Variants in SAMMSON observed in about 807,000 individuals in gnomAD.
The protein encoded by SAMMSON is survival associated mitochondrial melanoma specific oncogenic non-coding RNA, also known as long intergenic non-protein coding RNA 1212.
chr3:70,121,781 G>C (rs2067434567), intron 4 of SAMMSON, among the ~76,000 whole-genome samples: 2 of 152,148 alleles, frequency 1.3e-5, no homozygotes, highest in African/African-American at 4.8e-5. Flanking sequence ...GACAGGGCAG[G>C]GACAAAGACT....
chr3:70,285,752 A>C (rs1702155353), intron 6 of SAMMSON, among the ~76,000 whole-genome samples: 1 of 151,986 alleles, frequency 6.6e-6, no homozygotes, highest in African/African-American at 2.4e-5. Flanking sequence ...TTGCCATTCT[A>C]ACTGGTGTGA....
At chr3:70,245,671 TTATATATATATATATATATATATATA>T (rs34480688) in intron 4 of SAMMSON, among the ~76,000 whole-genome samples, 21 of 57,224 alleles carry the variant, frequency 3.7e-4, no homozygotes, top group Non-Finnish European at 4.8e-4. Flanking sequence ...GCAAACTGCT[TTATATATATATATATATATATATATA>T]TATATATATA....
intron 4 of SAMMSON, among the ~76,000 whole-genome samples, chr3:70,163,336 A>G (rs986837151): frequency 2.2e-5 from 3 of 133,856 alleles, no homozygotes; most frequent in Non-Finnish European, 4.7e-5. Context: ...CTATCCATCT[A>G]TATAGAATAT....
At chr3:70,425,538 A>G (rs765831320) in intron 2 of SAMMSON, among the ~76,000 whole-genome samples, 124 of 151,704 alleles carry the variant, frequency 8.2e-4, no homozygotes, top group Non-Finnish European at 1.3e-3. Flanking sequence ...CAGCCTCCCT[A>G]GTAGCTGGGA....
At chr3:70,070,332 T>C (rs934385715) in intron 3 of SAMMSON, 3 of 152,092 alleles carry the variant, frequency 2.0e-5, no homozygotes, top group Non-Finnish European at 4.4e-5. Context: ...AGTTTTTAGA[T>C]GCACTCTATT....
intron 3 of SAMMSON, among the ~76,000 whole-genome samples, chr3:70,027,181 G>A (rs1418445398): frequency 6.6e-6 from 1 of 152,114 alleles, no homozygotes; most frequent in Non-Finnish European, 1.5e-5. Flanking sequence ...AAATATTTGT[G>A]TCCTATTTAG....
At chr3:70,011,008 G>C (rs1324324620) in intron 1 of SAMMSON, among the ~76,000 whole-genome samples, 1 of 152,008 alleles carries the variant, frequency 6.6e-6, no homozygotes, top group Admixed American at 6.6e-5. Flanking sequence ...TGACTCATGG[G>C]GATTGTAGGG....
intron 2 of SAMMSON, among the ~76,000 whole-genome samples, chr3:70,398,198 A>G (rs1701108056): frequency 6.6e-6 from 1 of 152,172 alleles, no homozygotes; most frequent in Non-Finnish European, 1.5e-5. Flanking sequence ...GGTGGTTTAA[A>G]TATGTTTGCC....
intron 7 of SAMMSON, among the ~76,000 whole-genome samples, chr3:70,335,891 T>C (rs1702656363): frequency 6.6e-6 from 1 of 151,970 alleles, no homozygotes; most frequent in Non-Finnish European, 1.5e-5. Context: ...GTTATAGCTG[T>C]ATCAAACCAG....
intron 4 of SAMMSON, among the ~76,000 whole-genome samples, chr3:70,242,124 A>T (rs548215283): frequency 1.3e-3 from 203 of 152,306 alleles, no homozygotes; most frequent in Non-Finnish European, 2.3e-3. Flanking sequence ...TATAATAGGG[A>T]TGAAAAGGAG....
chr3:70,329,956 A>G (rs532977542), intron 7 of SAMMSON, among the ~76,000 whole-genome samples: 5 of 152,122 alleles, frequency 3.3e-5, no homozygotes, highest in African/African-American at 1.2e-4. Flanking sequence ...TAGAATTTGA[A>G]ATAATTTACA....
chr3:70,423,921 C>T (rs943303255), intron 2 of SAMMSON, among the ~76,000 whole-genome samples: 1 of 152,122 alleles, frequency 6.6e-6, no homozygotes, highest in African/African-American at 2.4e-5. Flanking sequence ...TTTAGCAGAT[C>T]TTTCTGGTCT....
intron 4 of SAMMSON, among the ~76,000 whole-genome samples, chr3:70,161,476 T>C (rs1305474235): frequency 1.3e-5 from 2 of 152,062 alleles, no homozygotes; most frequent in Admixed American, 6.6e-5. Context: ...TTTATATTAA[T>C]TGAGTTTTAG....
rs1253110656 is a variant in SAMMSON, at chr3:70,301,410, T to C, written n.739+10167T>C. Among the ~76,000 whole-genome samples, 3 of 152,104 alleles carry C rather than the reference T, an allele frequency of 2.0e-5. No homozygotes were observed. In the South Asian group the frequency reaches 6.2e-4, roughly 31 times the overall value. On this transcript the variant is annotated intron_variant and non_coding_transcript_variant, in intron 7 of 9. Coordinates refer to ENST00000642114, the Ensembl canonical transcript of SAMMSON. ...TCAAATACAGCTAAAGAGCTTGTGC[T>C]TATCTGAATCCTATGGTAAACAGGA... is the stretch of plus-strand genomic sequence containing the variant.
chr3:70,097,477 A>G (rs1267469154), intron 4 of SAMMSON, among the ~76,000 whole-genome samples: 2 of 152,222 alleles, frequency 1.3e-5, no homozygotes, highest in Non-Finnish European at 2.9e-5. Flanking sequence ...TCTAGTCTAT[A>G]TATTTCCATT....
At chr3:70,057,560 A>G (rs564965385) in intron 3 of SAMMSON, among the ~76,000 whole-genome samples, 1 of 152,120 alleles carries the variant, frequency 6.6e-6, no homozygotes, top group African/African-American at 2.4e-5. Flanking sequence ...CTTGGAAAAA[A>G]CTGTAGCTAA....
At chr3:70,030,532 C>T (rs550148576) in intron 3 of SAMMSON, 6 of 152,194 alleles carry the variant, frequency 3.9e-5, no homozygotes, top group South Asian at 2.1e-4. Context: ...CATTATCTCA[C>T]TTATGTCTGA....
chr3:70,111,164 A>T (rs970640848), intron 4 of SAMMSON, among the ~76,000 whole-genome samples: 1 of 152,202 alleles, frequency 6.6e-6, no homozygotes, highest in Admixed American at 6.5e-5. Context: ...ACATAATGAC[A>T]TGGTGTTGGG....
chr3:70,043,996 A>T (rs1281153633), intron 3 of SAMMSON, among the ~76,000 whole-genome samples: 1 of 152,084 alleles, frequency 6.6e-6, no homozygotes, highest in African/African-American at 2.4e-5. Context: ...CAAAATGTTT[A>T]TGCAGCAAAA....
Sources: gnomAD v4.1 joint callset for allele counts (sites outside exome capture counted in the v4.1 genomes callset) on GRCh38, gnomAD v4.1.1 for gene constraint, MANE v1.5 for transcripts, NCBI Gene and HGNC (gene_info 2026-07-23, HGNC 2026-07-21) for gene names.